Variants in EPHA7 observed in about 807,000 individuals in gnomAD.
EPHA7 encodes the protein ephrin type-A receptor 7.
EPHA7 carries 25 observed loss-of-function variants against 112.6 expected under a neutral mutation model. The ratio of observed to expected loss-of-function variants is 0.22; its 90% CI spans 0.16 to 0.31. The LOEUF (loss-of-function observed/expected upper bound fraction) is 0.31, where lower values mean the gene tolerates loss of function less well. Among genes scored for constraint, EPHA7 ranks in the 10% least tolerant of loss-of-function variants. The pLI is 1.00. For missense variants in EPHA7, 962 were observed against 1,212.6 expected (o/e 0.79, Z 3.07); for synonymous variants, 437 against 406.5 (o/e 1.07, Z -0.90).
chr6:93,380,753 G>T (rs1777297088), intron 3 of EPHA7, among the ~76,000 whole-genome samples: 3 of 152,078 alleles, frequency 2.0e-5, no homozygotes, highest in Admixed American at 2.0e-4. Context: ...GAGGACAAAT[G>T]TTTCATTCAA....
chr6:93,251,061 C>T (rs1354763321), intron 14 of EPHA7, among the ~76,000 whole-genome samples: 1 of 152,010 alleles, frequency 6.6e-6, no homozygotes. Context: ...ACATGATTGG[C>T]TTCTGTCCTC....
intron 3 of EPHA7, among the ~76,000 whole-genome samples, chr6:93,403,602 G>A (rs76510313): frequency 6.6e-6 from 1 of 150,802 alleles, no homozygotes; most frequent in Non-Finnish European, 1.5e-5. Flanking sequence ...ATCTACTATG[G>A]TTGCACCTGT....
chr6:93,390,933 A>G (rs1777875745), intron 3 of EPHA7, among the ~76,000 whole-genome samples: 1 of 151,892 alleles, frequency 6.6e-6, no homozygotes, highest in Non-Finnish European at 1.5e-5. Context: ...ATTTTTCCCA[A>G]CAGTCTTTTT....
intron 5 of EPHA7, among the ~76,000 whole-genome samples, chr6:93,326,461 C>T (rs551955965): frequency 6.6e-6 from 1 of 151,432 alleles, no homozygotes; most frequent in Non-Finnish European, 1.5e-5. Flanking sequence ...ATAACTAGAA[C>T]TTACTTAGGA....
At position 93,243,909 on chromosome 6, in the gene EPHA7, A is replaced by G. The variant is rs538554011; in HGVS notation, c.2883-369T>C. The stretch of plus-strand genomic sequence containing the variant: ...AGGGATTTAGAAATTTCTAACTGGA[A>G]AAAGCTTGATAAAGGATAATGAAAA... On this transcript the variant is annotated intron_variant, in intron 16 of 16. Transcript: ENST00000369303. 1.3e-4 allele frequency among the ~76,000 whole-genome samples: 20 copies of G among 152,252 alleles called. 1 individual carries two copies. The South Asian group carries it at 4.1e-3, about 32-fold the overall frequency.
chr6:93,358,468 A>G, intron 3 of EPHA7, 57 bp from the exon 4 acceptor site: 1 of 1,448,438 alleles, frequency 6.9e-7, no homozygotes, highest in Non-Finnish European at 9.3e-7. Flanking sequence ...ATCTTTAAAA[A>G]AAAATTGTAT....
intron 5 of EPHA7, among the ~76,000 whole-genome samples, chr6:93,326,257 T>A (rs1774314113): frequency 6.6e-6 from 1 of 151,348 alleles, no homozygotes; most frequent in African/African-American, 2.4e-5. Flanking sequence ...CTCAGCAAAT[T>A]ACCTGGCATA....
intron 5 of EPHA7, among the ~76,000 whole-genome samples, chr6:93,340,042 T>C (rs1240347366): frequency 1.3e-5 from 2 of 151,666 alleles, no homozygotes; most frequent in African/African-American, 2.4e-5. Flanking sequence ...GAAATAAACA[T>C]AGGGACAGAT....
intron 3 of EPHA7, among the ~76,000 whole-genome samples, chr6:93,388,726 A>G (rs1482719065): frequency 6.6e-6 from 1 of 152,080 alleles, no homozygotes; most frequent in Admixed American, 6.6e-5. Flanking sequence ...GCAGAAAATT[A>G]CAATATATTA....
At chr6:93,304,656 C>T (rs992044042) in intron 5 of EPHA7, among the ~76,000 whole-genome samples, 1 of 152,062 alleles carries the variant, frequency 6.6e-6, no homozygotes, top group Non-Finnish European at 1.5e-5. Flanking sequence ...ATTCTTTCAA[C>T]CCAGAGTTAG....
intron 3 of EPHA7, among the ~76,000 whole-genome samples, chr6:93,387,713 C>T (rs1048248181): frequency 2.0e-5 from 3 of 152,004 alleles, no homozygotes; most frequent in Non-Finnish European, 4.4e-5. Flanking sequence ...CTTCACATGG[C>T]AGCAGGAGAG....
At position 93,241,625 on chromosome 6, in the gene EPHA7, CA is replaced by C. The variant is rs3214989; in HGVS notation, c.*1800del. 2.3e-3 allele frequency: 493 copies of C among 212,182 alleles called. No individual in the cohort carries two copies. Among genetic ancestry groups the C allele is most frequent in the Non-Finnish European group, 3.7e-3 (387 of 105,680 alleles). 13.1% of individuals were successfully genotyped at this position (212,182 alleles called of 1,614,324 possible). ...ATAACACTGTACAGTGATTTAAAAC[CA>C]AAAAAAAAGGGTGGGGAGGGGTTTG... On this transcript the variant is annotated 3_prime_UTR_variant, in exon 17 of 17. Coordinates refer to ENST00000369303, the MANE Select transcript of EPHA7 (RefSeq NM_004440.4).
intron 5 of EPHA7, among the ~76,000 whole-genome samples, chr6:93,278,522 T>C (rs1315487335): frequency 6.6e-6 from 1 of 152,072 alleles, no homozygotes; most frequent in Admixed American, 6.6e-5. Context: ...ATCTATCTTT[T>C]CAATCAACAA....
At chr6:93,418,122 G>GA (rs1218734676) in intron 1 of EPHA7, among the ~76,000 whole-genome samples, 1 of 148,354 alleles carries the variant, frequency 6.7e-6, no homozygotes, top group Non-Finnish European at 1.5e-5. Flanking sequence ...TTAACAGATC[G>GA]AAAAATGAAA....
chr6:93,318,743 T>G (rs540181150), intron 5 of EPHA7, among the ~76,000 whole-genome samples: 1 of 152,170 alleles, frequency 6.6e-6, no homozygotes, highest in East Asian at 1.9e-4. Context: ...TAACAAAGAT[T>G]TAAAAGAAGG....
chr6:93,377,615 T>C (rs187911469), intron 3 of EPHA7, among the ~76,000 whole-genome samples: 1 of 152,122 alleles, frequency 6.6e-6, no homozygotes, highest in African/African-American at 2.4e-5. Context: ...CCATCCCTTA[T>C]CTTATATCAG....
At chr6:93,388,445 A>C (rs1777739848) in intron 3 of EPHA7, among the ~76,000 whole-genome samples, 1 of 152,168 alleles carries the variant, frequency 6.6e-6, no homozygotes, top group African/African-American at 2.4e-5. Context: ...CCTGCTTTAC[A>C]GAAGTTATCT....
intron 5 of EPHA7, among the ~76,000 whole-genome samples, chr6:93,322,030 T>C (rs749015834): frequency 2.0e-5 from 3 of 151,780 alleles, no homozygotes; most frequent in Non-Finnish European, 4.4e-5. Context: ...TGAAGATTCA[T>C]TGAATTAATG....
intron 7 of EPHA7, among the ~76,000 whole-genome samples, chr6:93,266,471 A>G (rs892809056): frequency 6.6e-6 from 1 of 151,680 alleles, no homozygotes; most frequent in African/African-American, 2.4e-5. Flanking sequence ...TCGTACTTTA[A>G]TCTTTCCATA....
Sources: allele counts gnomAD v4.1 joint callset (sites outside exome capture counted in the v4.1 genomes callset), GRCh38; gene constraint gnomAD v4.1.1; transcripts MANE v1.5; gene names NCBI Gene and HGNC (gene_info 2026-07-23, HGNC 2026-07-21).